TMEM132D: variants seen among roughly 807,000 people sequenced by gnomAD.
The protein encoded by TMEM132D is mature OL transmembrane protein.
TMEM132D carries 21 observed loss-of-function variants against 62.3 expected under a neutral mutation model. The observed-to-expected ratio is 0.34, with a 90% CI of 0.24 to 0.49. TMEM132D has a LOEUF of 0.49. Ranked by LOEUF, TMEM132D falls within the 20% of genes least tolerant of loss-of-function variation. The pLI, the probability that TMEM132D is intolerant of heterozygous loss-of-function variation, is 0.99. For synonymous variants in TMEM132D, 621 were observed against 575.6 expected (o/e 1.08, Z -1.13); for missense variants, 1,346 against 1,402.8 (o/e 0.96, Z 0.65).
chr12:129,574,203 G>A (rs956530508), intron 2 of TMEM132D, among the ~76,000 whole-genome samples: 12 of 151,942 alleles, frequency 7.9e-5, no homozygotes, highest in African/African-American at 2.7e-4. Flanking sequence ...TGGATTAATA[G>A]ATGCAAGAAG....
intron 2 of TMEM132D, among the ~76,000 whole-genome samples, chr12:129,582,943 GTT>G (rs1491401367): frequency 2.7e-5 from 4 of 147,796 alleles, no homozygotes; most frequent in Non-Finnish European, 1.5e-5. Flanking sequence ...TTTTTGTTTT[GTT>G]TTGGAGACAG....
chr12:129,150,745 G>A (rs1437854810), intron 5 of TMEM132D, among the ~76,000 whole-genome samples: 2 of 152,228 alleles, frequency 1.3e-5, no homozygotes, highest in African/African-American at 4.8e-5. Flanking sequence ...TACGCCTTCA[G>A]CCAAGTCTTC....
chr12:129,494,491 T>G (rs1005927701), intron 3 of TMEM132D, among the ~76,000 whole-genome samples: 9 of 152,176 alleles, frequency 5.9e-5, no homozygotes, highest in Admixed American at 3.9e-4. Flanking sequence ...ATTACAAGCA[T>G]ATGCCTGCCA....
intron 3 of TMEM132D, among the ~76,000 whole-genome samples, chr12:129,357,596 GAGAAAGAAAA>G (rs1344350162): frequency 6.6e-6 from 1 of 151,788 alleles, no homozygotes; most frequent in Non-Finnish European, 1.5e-5. Flanking sequence ...AAAGAAAGGA[GAGAAAGAAAA>G]AGAAAGAAAG....
At chr12:129,396,091 A>G (rs1442021073) in intron 3 of TMEM132D, among the ~76,000 whole-genome samples, 2 of 150,552 alleles carry the variant, frequency 1.3e-5, no homozygotes, top group African/African-American at 2.4e-5. Context: ...ATATCTAGAT[A>G]CAGATATAGG....
intron 3 of TMEM132D, among the ~76,000 whole-genome samples, chr12:129,413,323 C>A (rs1872023656): frequency 6.6e-6 from 1 of 152,176 alleles, no homozygotes; most frequent in Admixed American, 6.5e-5. Flanking sequence ...TCACTTGGCT[C>A]TCATTTTCTC....
At chr12:129,421,177 G>A (rs1372597313) in intron 3 of TMEM132D, among the ~76,000 whole-genome samples, 1 of 152,026 alleles carries the variant, frequency 6.6e-6, no homozygotes, top group Non-Finnish European at 1.5e-5. Flanking sequence ...TGTTCGGGCT[G>A]GTCTCGAACT....
At chr12:129,339,038 G>A (rs989901493) in intron 3 of TMEM132D, among the ~76,000 whole-genome samples, 8 of 152,044 alleles carry the variant, frequency 5.3e-5, no homozygotes, top group Admixed American at 3.9e-4. Context: ...AGAAAGGAAA[G>A]ATAAAAGCGA....
At chr12:129,874,772 G>A (rs1377201215) in intron 1 of TMEM132D, among the ~76,000 whole-genome samples, 4 of 148,784 alleles carry the variant, frequency 2.7e-5, no homozygotes, top group African/African-American at 7.4e-5. Flanking sequence ...CGCAATCTCG[G>A]CTCACTGCAA....
chr12:129,082,570 G>C (rs113638218), intron 6 of TMEM132D, among the ~76,000 whole-genome samples: 2 of 152,106 alleles, frequency 1.3e-5, no homozygotes, highest in Non-Finnish European at 2.9e-5. Context: ...GCCAGCAACC[G>C]CACGAGTGAG....
At chr12:129,175,094 T>C (rs1319423052) in intron 5 of TMEM132D, among the ~76,000 whole-genome samples, 4 of 152,190 alleles carry the variant, frequency 2.6e-5, no homozygotes, top group Non-Finnish European at 4.4e-5. Flanking sequence ...CCCCATTTGT[T>C]AATTCTGGCT....
chr12:129,095,798 A>T (rs1242871972), intron 5 of TMEM132D, among the ~76,000 whole-genome samples: 1 of 152,128 alleles, frequency 6.6e-6, no homozygotes, highest in Non-Finnish European at 1.5e-5. Flanking sequence ...CACACACCTA[A>T]TCTCTGACTT....
intron 5 of TMEM132D, among the ~76,000 whole-genome samples, chr12:129,167,554 T>C (rs541890574): frequency 1.3e-5 from 2 of 152,226 alleles, no homozygotes; most frequent in African/African-American, 4.8e-5. Flanking sequence ...CCACTGGTCC[T>C]GGCATGGGGT....
chr12:129,350,967 G>T (rs913443048), intron 3 of TMEM132D, among the ~76,000 whole-genome samples: 2 of 152,200 alleles, frequency 1.3e-5, no homozygotes, highest in Non-Finnish European at 2.9e-5. Flanking sequence ...CAAAGCTCCT[G>T]CATGTTTTGA....
intron 1 of TMEM132D, among the ~76,000 whole-genome samples, chr12:129,742,330 TGGTG>T (rs1869635590): frequency 6.6e-6 from 1 of 152,088 alleles, no homozygotes; most frequent in Non-Finnish European, 1.5e-5. Context: ...CTCTTCCTCA[TGGTG>T]GAAGGTGAAG....
chr12:129,079,742 G>A (rs1020948830), intron 7 of TMEM132D, among the ~76,000 whole-genome samples: 3 of 152,130 alleles, frequency 2.0e-5, no homozygotes, highest in African/African-American at 4.8e-5. Flanking sequence ...TTTCTGGTCC[G>A]ATTGGGACAA....
At chr12:129,082,157 G>A in intron 6 of TMEM132D, 125 bp from the exon 7 acceptor site, 1 of 1,204,460 alleles carries the variant, frequency 8.3e-7, no homozygotes, top group Non-Finnish European at 1.1e-6. Flanking sequence ...TTTATAGCCA[G>A]ACATGCAGAG....
chr12:129,526,656 GTT>G (rs966518695), intron 3 of TMEM132D, among the ~76,000 whole-genome samples: 1 of 152,120 alleles, frequency 6.6e-6, no homozygotes, highest in Non-Finnish European at 1.5e-5. Context: ...TTCCTACTTT[GTT>G]TTGAAGTATG....
intron 2 of TMEM132D, among the ~76,000 whole-genome samples, chr12:129,596,810 C>A (rs1226152298): frequency 6.6e-6 from 1 of 151,954 alleles, no homozygotes; most frequent in Non-Finnish European, 1.5e-5. Context: ...ACCCATCACC[C>A]CATCCACCCC....
Sources: gnomAD v4.1 joint callset for allele counts (sites outside exome capture counted in the v4.1 genomes callset) on GRCh38, gnomAD v4.1.1 for gene constraint, MANE v1.5 for transcripts, NCBI Gene and HGNC (gene_info 2026-07-23, HGNC 2026-07-21) for gene names.